Variants in TCF7L2 observed in about 807,000 individuals in gnomAD.
The protein encoded by TCF7L2 is transcription factor 7 like 2.
A neutral mutation model predicts 77.9 loss-of-function variants in TCF7L2; 23 were observed. The ratio of observed to expected loss-of-function variants is 0.30; its 90% CI spans 0.21 to 0.42. TCF7L2 has a LOEUF of 0.42. Among genes scored for constraint, TCF7L2 ranks in the 10% least tolerant of loss-of-function variants. TCF7L2 has a pLI of 1.00. For synonymous variants in TCF7L2, 413 were observed against 340.2 expected, an observed-to-expected ratio of 1.21 and a Z score of -2.36; for missense variants, 654 against 793.1, an observed-to-expected ratio of 0.82 and a Z score of 2.11.
chr10:112,962,846 G>A (rs941132406), intron 3 of TCF7L2, among the ~76,000 whole-genome samples: 12 of 152,116 alleles, frequency 7.9e-5, no homozygotes, highest in South Asian at 2.1e-4. Context: ...TGATCTGCCC[G>A]CCTCAGCCCC....
In TCF7L2 at chr10:113,012,932, C is replaced by T. The variant is rs562826304; in HGVS notation, c.451-27093C>T. On this transcript the variant is annotated intron_variant, in intron 4 of 13. Transcript: ENST00000627217. ...CATCCGGCTTCCTTCTGTTACTCTA[C>T]GCGTGTTGCTGAAACTTAACGAACC... 2.2e-4 allele frequency among the ~76,000 whole-genome samples: 33 copies of T among 152,222 alleles called. No homozygotes were observed. The South Asian group carries it at 6.2e-3, about 29-fold the overall frequency.
At chr10:113,009,360 C>G (rs1326745445) in intron 4 of TCF7L2, among the ~76,000 whole-genome samples, 1 of 152,218 alleles carries the variant, frequency 6.6e-6, no homozygotes, top group Non-Finnish European at 1.5e-5. Flanking sequence ...CTCAGCAAAT[C>G]ACTGCCATCT....
chr10:113,117,459 T>C (rs148058454), intron 5 of TCF7L2, among the ~76,000 whole-genome samples: 1 of 104,060 alleles, frequency 9.6e-6, no homozygotes, highest in African/African-American at 3.6e-5. Context: ...CTCTCTCTCT[T>C]CTCCCCCCAA....
chr10:113,005,043 C>T (rs1377429078), intron 4 of TCF7L2, among the ~76,000 whole-genome samples: 2 of 152,168 alleles, frequency 1.3e-5, no homozygotes, highest in Non-Finnish European at 2.9e-5. Context: ...CTTGTAGCTG[C>T]CTCGGTTCAG....
chr10:112,958,191 T>G (rs1294662591), intron 3 of TCF7L2, among the ~76,000 whole-genome samples: 1 of 152,224 alleles, frequency 6.6e-6, no homozygotes, highest in Non-Finnish European at 1.5e-5. Flanking sequence ...GGCTAGTAAT[T>G]CGACCTGTTA....
intron 13 of TCF7L2, among the ~76,000 whole-genome samples, chr10:113,162,143 T>C (rs2073261794): frequency 6.6e-6 from 1 of 152,202 alleles, no homozygotes; most frequent in Admixed American, 6.5e-5. Context: ...GGTGGGAAGA[T>C]AACTAGCTGT....
At chr10:113,010,365 CG>C (rs1440169483) in intron 4 of TCF7L2, among the ~76,000 whole-genome samples, 1 of 152,068 alleles carries the variant, frequency 6.6e-6, no homozygotes, top group Non-Finnish European at 1.5e-5. Flanking sequence ...TGCCAATGCC[CG>C]GGGCCCACTT....
At chr10:113,036,213 C>A (rs1204136360) in intron 4 of TCF7L2, among the ~76,000 whole-genome samples, 4 of 151,614 alleles carry the variant, frequency 2.6e-5, no homozygotes, top group Admixed American at 1.3e-4. Flanking sequence ...ATACAGAGCC[C>A]CCAGTAGCAG....
At chr10:113,111,890 A>G (rs2063175579) in intron 5 of TCF7L2, among the ~76,000 whole-genome samples, 2 of 152,160 alleles carry the variant, frequency 1.3e-5, no homozygotes, top group Admixed American at 6.5e-5. Context: ...CTGTCTGTAA[A>G]ATGGGGCTGT....
chr10:113,078,272 A>G (rs1202906406), intron 5 of TCF7L2, among the ~76,000 whole-genome samples: 1 of 152,220 alleles, frequency 6.6e-6, no homozygotes, highest in Non-Finnish European at 1.5e-5. Context: ...ACACAGTTCA[A>G]CAAATATGTA....
At chr10:113,098,444 C>T (rs1395010547) in intron 5 of TCF7L2, among the ~76,000 whole-genome samples, 4 of 152,228 alleles carry the variant, frequency 2.6e-5, no homozygotes, top group Admixed American at 6.5e-5. Context: ...CGGTGGCTCA[C>T]GCCTGTAATC....
intron 5 of TCF7L2, among the ~76,000 whole-genome samples, chr10:113,083,421 G>A (rs534218491): frequency 2.6e-5 from 4 of 152,188 alleles, no homozygotes; most frequent in Middle Eastern, 3.4e-3. Context: ...ATGATATCCC[G>A]GTCTGGGGAG....
intron 3 of TCF7L2, among the ~76,000 whole-genome samples, chr10:112,964,318 G>T (rs1408866907): frequency 6.6e-6 from 1 of 151,972 alleles, no homozygotes; most frequent in Non-Finnish European, 1.5e-5. Context: ...CATCTTCCCT[G>T]TATGCTTATT....
Position 113,151,167 on chromosome 10 carries a change from T to A in TCF7L2, c.1001+44T>A. The A allele has an allele frequency of 6.2e-7, 1 of 1,612,084 alleles. No individual in the cohort carries two copies. The highest frequency in any genetic ancestry group is 1.3e-5 in the African/African-American group (1 of 75,012). ...CTCACCTTCTTCGTAGCCGCAGTGT[T>A]CTGCAAGCCTGTTGCAGCTGCTGGG... is the stretch of plus-strand genomic sequence containing the variant. On this transcript the variant is annotated intron_variant, in intron 9 of 13. Coordinates refer to ENST00000627217, the MANE Select transcript of TCF7L2 (RefSeq NM_001146274.2). This position sits in a 1 kb window ranked among gnomAD's most constrained non-coding sequence, Gnocchi z 5.2.
intron 4 of TCF7L2, among the ~76,000 whole-genome samples, chr10:112,984,841 C>T (rs2041188643): frequency 1.3e-5 from 2 of 152,086 alleles, no homozygotes; most frequent in Non-Finnish European, 2.9e-5. Flanking sequence ...AGTGGTAAGA[C>T]CAATTAATTA....
At chr10:113,066,669 G>A (rs542347868) in intron 5 of TCF7L2, among the ~76,000 whole-genome samples, 1 of 152,344 alleles carries the variant, frequency 6.6e-6, no homozygotes, top group South Asian at 2.1e-4. Context: ...TGCTGAAAGA[G>A]TAACAGCAAA....
intron 5 of TCF7L2, among the ~76,000 whole-genome samples, chr10:113,060,806 A>G (rs1287844216): frequency 6.6e-6 from 1 of 151,920 alleles, no homozygotes; most frequent in Non-Finnish European, 1.5e-5. Flanking sequence ...CCCCAAGGAG[A>G]AGACGCCGCC....
rs371077783 is a variant in TCF7L2, at chr10:113,145,913, A to G, written c.789-98A>G. On this transcript the variant is annotated intron_variant, in intron 7 of 13. Transcript: ENST00000627217. ...TTTTGTTCTGATCAAATGAGAATAAAGCTTACTGTGCAGAGAGAACTTTTC... is the reference window on the plus strand; with the variant it reads ...TTTTGTTCTGATCAAATGAGAATAAGGCTTACTGTGCAGAGAGAACTTTTC... The G allele has an allele frequency of 2.5e-4, 247 of 992,796 alleles. 1 individual carries two copies. In the East Asian group the frequency reaches 4.0e-3, roughly 16 times the overall value. The allele number at this position is 992,796 out of a possible 1,614,324, so 61.5% of individuals were successfully genotyped here.
intron 5 of TCF7L2, among the ~76,000 whole-genome samples, chr10:113,070,487 C>T (rs367629794): frequency 5.9e-5 from 9 of 151,994 alleles, no homozygotes; most frequent in South Asian, 2.1e-4. Flanking sequence ...GGCCCATCTG[C>T]GGGACCCGCG....
Sources: gnomAD v4.1 joint callset for allele counts (sites outside exome capture counted in the v4.1 genomes callset) on GRCh38, gnomAD v4.1.1 for gene constraint, Gnocchi (gnomAD v3.1) non-coding constraint, MANE v1.5 for transcripts, NCBI Gene and HGNC (gene_info 2026-07-23, HGNC 2026-07-21) for gene names.